POU6F2: variants seen among roughly 807,000 people sequenced by gnomAD.
POU6F2 encodes POU domain, class 6, transcription factor 2.
A neutral mutation model predicts 71.3 loss-of-function variants in POU6F2; 31 were observed. That is an observed-to-expected ratio of 0.43 (90% CI 0.33 to 0.59). The LOEUF is 0.59. POU6F2 is among the 20% of genes least tolerant of loss of function. The pLI is 0.04. For synonymous variants in POU6F2, 347 were observed against 355.7 expected (o/e 0.98, Z 0.27); for missense variants, 783 against 856.8 (o/e 0.91, Z 1.07).
At chr7:39,048,689 G>C (rs1790342127) in intron 1 of POU6F2, among the ~76,000 whole-genome samples, 1 of 151,860 alleles carries the variant, frequency 6.6e-6, no homozygotes, top group Non-Finnish European at 1.5e-5. Context: ...ATATTCCTTT[G>C]TGTATATACC....
intron 9 of POU6F2, among the ~76,000 whole-genome samples, chr7:39,463,650 T>C (rs749909453): frequency 2.6e-5 from 4 of 152,096 alleles, no homozygotes; most frequent in African/African-American, 9.7e-5. Flanking sequence ...AAGAGAGCCA[T>C]ATAAAAGTCC....
intron 1 of POU6F2, among the ~76,000 whole-genome samples, chr7:39,020,630 CTTAA>C (rs1211656790): frequency 6.6e-6 from 1 of 152,086 alleles, no homozygotes; most frequent in African/African-American, 2.4e-5. Context: ...AATCAAACTC[CTTAA>C]TTGTGTTATT....
Position 39,296,092 on chromosome 7 carries a change from A to C in POU6F2, c.599-43550A>C, listed in dbSNP as rs571596939. Among the ~76,000 whole-genome samples the C allele has an allele frequency of 3.3e-4, 50 of 152,342 alleles. No individual in the cohort carries two copies. The South Asian group carries it at 6.0e-3, about 18-fold the overall frequency. ...TTTAAGGAAATTGAAACTTAGAGATATCTATTAAGCTTATAGTATTCTAGT... is the reference window on the plus strand; with the variant it reads ...TTTAAGGAAATTGAAACTTAGAGATCTCTATTAAGCTTATAGTATTCTAGT... On this transcript the variant is annotated intron_variant, in intron 4 of 9. Transcript: ENST00000518318.
intron 4 of POU6F2, among the ~76,000 whole-genome samples, chr7:39,317,130 A>G (rs1785283893): frequency 6.6e-6 from 1 of 152,182 alleles, no homozygotes. Context: ...CCCCCTCCGC[A>G]GTAAGTTATC....
At chr7:39,348,070 G>A (rs576070896) in intron 5 of POU6F2, among the ~76,000 whole-genome samples, 1 of 144,470 alleles carries the variant, frequency 6.9e-6, no homozygotes, top group South Asian at 2.2e-4. Context: ...ATATTAGGCT[G>A]GGAGAAGACA....
chr7:39,405,551 A>G (rs1201000516), intron 5 of POU6F2, among the ~76,000 whole-genome samples: 1 of 152,178 alleles, frequency 6.6e-6, no homozygotes, highest in Non-Finnish European at 1.5e-5. Flanking sequence ...CAATTGTTGT[A>G]CTTGAGAGAA....
chr7:39,085,823 T>C, intron 1 of POU6F2, 37 bp from the exon 2 acceptor site: 1 of 1,609,274 alleles, frequency 6.2e-7, no homozygotes, highest in Non-Finnish European at 8.5e-7. Context: ...TCTGCCACTT[T>C]TTTTTTCCTC....
At chr7:39,315,806 T>C (rs544803411) in intron 4 of POU6F2, among the ~76,000 whole-genome samples, 34 of 152,362 alleles carry the variant, frequency 2.2e-4, no homozygotes, top group African/African-American at 7.9e-4. Flanking sequence ...CCTAGGACTT[T>C]ACATGCACAA....
At chr7:39,384,833 C>T (rs1468847015) in intron 5 of POU6F2, among the ~76,000 whole-genome samples, 1 of 152,218 alleles carries the variant, frequency 6.6e-6, no homozygotes, top group Non-Finnish European at 1.5e-5. Context: ...CGCAGCTCCT[C>T]ATACACACAG....
At chr7:39,025,594 T>G (rs1019539411) in intron 1 of POU6F2, among the ~76,000 whole-genome samples, 1 of 151,930 alleles carries the variant, frequency 6.6e-6, no homozygotes, top group Non-Finnish European at 1.5e-5. Context: ...ATACAAAAAT[T>G]AGTTCAAGAT....
chr7:39,433,628 C>A (rs1468779388), intron 7 of POU6F2, among the ~76,000 whole-genome samples: 2 of 152,122 alleles, frequency 1.3e-5, no homozygotes. Context: ...AACACTCATG[C>A]CTTAACTGTG....
At chr7:39,292,315 C>T (rs966563525) in intron 4 of POU6F2, among the ~76,000 whole-genome samples, 1 of 152,186 alleles carries the variant, frequency 6.6e-6, no homozygotes, top group Non-Finnish European at 1.5e-5. Flanking sequence ...AATCCATTCC[C>T]CGTCCACGGG....
chr7:39,106,275 A>G (rs892171908), intron 2 of POU6F2, among the ~76,000 whole-genome samples: 1 of 152,194 alleles, frequency 6.6e-6, no homozygotes, highest in African/African-American at 2.4e-5. Context: ...AGTTGATACC[A>G]TTATGACCAT....
chr7:39,022,699 C>T (rs970121825), intron 1 of POU6F2, among the ~76,000 whole-genome samples: 3 of 152,030 alleles, frequency 2.0e-5, no homozygotes, highest in African/African-American at 7.2e-5. Flanking sequence ...GACTTTCCCC[C>T]GCTTTTTCCA....
intron 1 of POU6F2, among the ~76,000 whole-genome samples, chr7:39,052,729 G>A (rs1232681510): frequency 6.6e-6 from 1 of 152,074 alleles, no homozygotes; most frequent in African/African-American, 2.4e-5. Context: ...CCTATGTTTT[G>A]GTCACTATGG....
At chr7:39,334,792 T>A (rs1483097491) in intron 4 of POU6F2, among the ~76,000 whole-genome samples, 1 of 152,232 alleles carries the variant, frequency 6.6e-6, no homozygotes, top group Non-Finnish European at 1.5e-5. Context: ...ATTCCTGTTT[T>A]TTCTTCTTCT....
chr7:39,030,252 T>G (rs1789906870), intron 1 of POU6F2, among the ~76,000 whole-genome samples: 1 of 151,750 alleles, frequency 6.6e-6, no homozygotes, highest in Admixed American at 6.6e-5. Flanking sequence ...TGGAAAAGTT[T>G]TATTTTCTAG....
chr7:39,314,470 T>C (rs1583517790), intron 4 of POU6F2, among the ~76,000 whole-genome samples: 1 of 152,342 alleles, frequency 6.6e-6, no homozygotes, highest in East Asian at 1.9e-4. Flanking sequence ...TGAGTTGGTT[T>C]AGGGCATTTT....
intron 2 of POU6F2, among the ~76,000 whole-genome samples, chr7:39,106,533 G>T (rs1170333396): frequency 6.6e-6 from 1 of 152,072 alleles, no homozygotes; most frequent in Non-Finnish European, 1.5e-5. Flanking sequence ...GACATATTTT[G>T]TAGCAATAGC....
Sources: allele counts gnomAD v4.1 joint callset (sites outside exome capture counted in the v4.1 genomes callset), GRCh38; gene constraint gnomAD v4.1.1; transcripts MANE v1.5; gene names NCBI Gene and HGNC (gene_info 2026-07-23, HGNC 2026-07-21).